LIMS1: variants seen among roughly 807,000 people sequenced by gnomAD.
The protein encoded by LIMS1 is LIM and senescent cell antigen-like-containing domain protein 1.
LIMS1 carries 18 observed loss-of-function variants against 44.1 expected under a neutral mutation model. The ratio of observed to expected loss-of-function variants is 0.41; its 90% CI spans 0.28 to 0.61. The LOEUF is 0.61. Ranked by LOEUF, LIMS1 falls within the 20% of genes least tolerant of loss-of-function variation. The pLI, the probability that LIMS1 is intolerant of heterozygous loss-of-function variation, is 0.32. For synonymous variants in LIMS1, 93 were observed against 149.1 expected (o/e 0.62, Z 2.74); for missense variants, 201 against 422.0 (o/e 0.48, Z 4.59).
At chr2:108,537,702 C>T (rs957831161) in intron 1 of LIMS1, among the ~76,000 whole-genome samples, 1 of 152,216 alleles carries the variant, frequency 6.6e-6, no homozygotes, top group Non-Finnish European at 1.5e-5. Flanking sequence ...AACTGTCCAT[C>T]AGGATTGTGC....
At chr2:108,611,004 G>T (rs796175283) in intron 1 of LIMS1, among the ~76,000 whole-genome samples, 2 of 152,038 alleles carry the variant, frequency 1.3e-5, no homozygotes, top group Non-Finnish European at 2.9e-5. Context: ...TCAATCAGTC[G>T]AGGATACCAC....
chr2:108,614,023 T>C lies in LIMS1; in HGVS notation c.33-45582T>C, dbSNP rs1430927335. Among the ~76,000 whole-genome samples, 3 of 152,154 alleles carry C rather than the reference T, an allele frequency of 2.0e-5. No homozygotes were observed. The East Asian group carries it at 5.8e-4, about 29-fold the overall frequency. On this transcript the variant is annotated intron_variant, in intron 1 of 9. Transcript: ENST00000544547. ...CACGAGGCCACTGAGTCTCTGCTGC[T>C]AAGAGCAGACCCCAGCCTAGGTTAG...
In LIMS1 at chr2:108,672,458, T is replaced by G; in HGVS notation, c.380+13T>G. 1.4e-6 allele frequency: 1 copy of G among 692,814 alleles called. No homozygotes were observed. Among genetic ancestry groups the G allele is most frequent in the Admixed American group, 4.2e-5 (1 of 23,966 alleles). 42.9% of individuals were successfully genotyped at this position (692,814 alleles called of 1,614,324 possible). The stretch of plus-strand genomic sequence containing the variant: ...AGAATGCTGGGAGGTAGGTGGATTT[T>G]CATCCTTGTCAGATGTGGGTGGACA... On this transcript the variant is annotated intron_variant, in intron 4 of 9. Transcript: ENST00000544547.
chr2:108,630,197 A>G (rs1354809610), intron 1 of LIMS1, among the ~76,000 whole-genome samples: 3 of 53,310 alleles, frequency 5.6e-5, no homozygotes, highest in Middle Eastern at 7.1e-3. Flanking sequence ...TGTCTCAAAA[A>G]AAAAAAAAAA....
intron 1 of LIMS1, among the ~76,000 whole-genome samples, chr2:108,553,775 C>CATT (rs1684835787): frequency 6.6e-6 from 1 of 152,146 alleles, no homozygotes; most frequent in Non-Finnish European, 1.5e-5. Context: ...CTCTGTTGGA[C>CATT]ATTAGAGTAT....
upstream of LIMS1, chr2:108,533,919 C>G (rs529617111): frequency 6.5e-6 from 1 of 153,128 alleles, no homozygotes; most frequent in East Asian, 1.9e-4. Context: ...CCGGCCTGCC[C>G]GACAGAGCCT....
At chr2:108,667,699 C>G in intron 2 of LIMS1, among the ~76,000 whole-genome samples, 2 of 151,572 alleles carry the variant, frequency 1.3e-5, no homozygotes, top group Non-Finnish European at 2.9e-5. Flanking sequence ...CTTATGGTAT[C>G]CACAGAGGAT....
intron 1 of LIMS1, among the ~76,000 whole-genome samples, chr2:108,602,016 ACTT>A (rs758437534): frequency 2.6e-5 from 4 of 152,058 alleles, no homozygotes; most frequent in African/African-American, 7.2e-5. Context: ...GAGATGTTTC[ACTT>A]CTTCGGTTAA....
chr2:108,571,513 T>A (rs568321268), intron 1 of LIMS1, among the ~76,000 whole-genome samples: 1 of 152,274 alleles, frequency 6.6e-6, no homozygotes, highest in Admixed American at 6.5e-5. Context: ...TCTTTGAAAA[T>A]AAACATTGGC....
chr2:108,566,161 C>G (rs1423852656), intron 1 of LIMS1, among the ~76,000 whole-genome samples: 1 of 152,194 alleles, frequency 6.6e-6, no homozygotes, highest in East Asian at 1.9e-4. Flanking sequence ...GGCCACTTCT[C>G]TGCTTTGCTT....
At chr2:108,651,073 A>C (rs1690449468) in intron 1 of LIMS1, among the ~76,000 whole-genome samples, 2 of 152,126 alleles carry the variant, frequency 1.3e-5, no homozygotes, top group Admixed American at 6.5e-5. Flanking sequence ...TGGGCTGCTA[A>C]AGGAAGGGCA....
intron 1 of LIMS1, among the ~76,000 whole-genome samples, chr2:108,572,161 G>T (rs1164824886): frequency 6.6e-6 from 1 of 151,792 alleles, no homozygotes; most frequent in African/African-American, 2.4e-5. Context: ...TTTTATCATG[G>T]AATTTATATC....
chr2:108,604,987 C>G (rs925409225), intron 1 of LIMS1, among the ~76,000 whole-genome samples: 7 of 152,230 alleles, frequency 4.6e-5, no homozygotes, highest in Non-Finnish European at 8.8e-5. Flanking sequence ...CTTGCTCCCT[C>G]TTGAGAATCT....
intron 1 of LIMS1, among the ~76,000 whole-genome samples, chr2:108,612,739 C>T (rs913980440): frequency 6.6e-5 from 10 of 152,050 alleles, no homozygotes; most frequent in Admixed American, 1.3e-4. Context: ...ACAATATTCA[C>T]GTGGACTAGG....
intron 1 of LIMS1, among the ~76,000 whole-genome samples, chr2:108,538,386 T>G (rs1684210427): frequency 6.6e-6 from 1 of 152,200 alleles, no homozygotes; most frequent in South Asian, 2.1e-4. Context: ...TTGATGAGTC[T>G]TCAGTGACAT....
At chr2:108,611,870 C>T (rs1434013835) in intron 1 of LIMS1, among the ~76,000 whole-genome samples, 3 of 139,030 alleles carry the variant, frequency 2.2e-5, no homozygotes, top group Admixed American at 7.5e-5. Context: ...CATATATATA[C>T]ACATATATAT....
At chr2:108,682,406 A>G (rs887211813) in intron 9 of LIMS1, among the ~76,000 whole-genome samples, 4 of 152,174 alleles carry the variant, frequency 2.6e-5, no homozygotes, top group African/African-American at 9.7e-5. Flanking sequence ...AGGCTGAGAC[A>G]GGAGAATCGC....
chr2:108,613,920 C>T (rs1687795063), intron 1 of LIMS1, among the ~76,000 whole-genome samples: 2 of 151,940 alleles, frequency 1.3e-5, no homozygotes, highest in Non-Finnish European at 2.9e-5. Flanking sequence ...CACTCTGCAC[C>T]CTACTTTCTA....
chr2:108,557,520 C>CTT (rs564272309), intron 1 of LIMS1, among the ~76,000 whole-genome samples: 9 of 147,068 alleles, frequency 6.1e-5, no homozygotes, highest in East Asian at 3.9e-4. Flanking sequence ...ATAGTAGGAA[C>CTT]TTTTTTTTTT....
Sources: gnomAD v4.1 joint callset for allele counts (sites outside exome capture counted in the v4.1 genomes callset) on GRCh38, gnomAD v4.1.1 for gene constraint, MANE v1.5 for transcripts, NCBI Gene and HGNC (gene_info 2026-07-23, HGNC 2026-07-21) for gene names.